SETBP1: variants seen among roughly 807,000 people sequenced by gnomAD.
The protein encoded by SETBP1 is SET binding protein 1.
Under a neutral mutation model 101.0 loss-of-function variants are expected in SETBP1, and 9 were observed. The ratio of observed to expected loss-of-function variants is 0.09; its 90% CI spans 0.05 to 0.16. The LOEUF (loss-of-function observed/expected upper bound fraction) is 0.16, where lower values mean the gene tolerates loss of function less well. Among genes scored for constraint, SETBP1 ranks in the 10% least tolerant of loss-of-function variants. SETBP1 has a pLI of 1.00. For synonymous variants in SETBP1, 818 were observed against 788.5 expected (o/e 1.04, Z -0.63); for missense variants, 1,858 against 2,033.8 (o/e 0.91, Z 1.66).
chr18:44,891,848 T>C (rs960200635), intron 3 of SETBP1, among the ~76,000 whole-genome samples: 3 of 152,120 alleles, frequency 2.0e-5, no homozygotes, highest in African/African-American at 4.8e-5. Context: ...TTCACAGAGA[T>C]TTTTGTCATA....
chr18:44,728,966 A>G (rs1218780584), intron 2 of SETBP1, among the ~76,000 whole-genome samples: 1 of 152,244 alleles, frequency 6.6e-6, no homozygotes, highest in East Asian at 1.9e-4. Flanking sequence ...ACTGTGTGCC[A>G]GATAGAGTTC....
intron 2 of SETBP1, among the ~76,000 whole-genome samples, chr18:44,746,781 C>T (rs112165417): frequency 1.3e-5 from 2 of 152,244 alleles, no homozygotes; most frequent in African/African-American, 4.8e-5. Flanking sequence ...AAAGAACAAG[C>T]GGGTGGGGTC....
At chr18:44,741,892 C>T (rs925649175) in intron 2 of SETBP1, among the ~76,000 whole-genome samples, 6 of 152,292 alleles carry the variant, frequency 3.9e-5, no homozygotes, top group Non-Finnish European at 8.8e-5. Flanking sequence ...GGTTCCAGTT[C>T]CCAGACTCAC....
At chr18:45,007,926 G>A (rs1238001628) in intron 4 of SETBP1, among the ~76,000 whole-genome samples, 1 of 152,090 alleles carries the variant, frequency 6.6e-6, no homozygotes, top group Non-Finnish European at 1.5e-5. Context: ...TTTGCCCCAA[G>A]CCTTCTGAAG....
chr18:44,908,027 C>T (rs540671584), intron 3 of SETBP1, among the ~76,000 whole-genome samples: 2 of 151,876 alleles, frequency 1.3e-5, no homozygotes, highest in Non-Finnish European at 2.9e-5. Flanking sequence ...AGCAGGGCTC[C>T]AGCTCTTCTT....
chr18:45,041,662 T>TTC (rs1370902901), intron 5 of SETBP1, among the ~76,000 whole-genome samples: 5 of 152,152 alleles, frequency 3.3e-5, no homozygotes, highest in African/African-American at 1.2e-4. Flanking sequence ...GAAATTTTAT[T>TTC]TAGAAATAAT....
intron 4 of SETBP1, among the ~76,000 whole-genome samples, chr18:45,012,501 G>T (rs929379380): frequency 6.6e-6 from 1 of 152,080 alleles, no homozygotes. Context: ...GCTCTGGATT[G>T]GTTCTTTTGC....
At chr18:44,875,574 G>A (rs933860211) in intron 3 of SETBP1, among the ~76,000 whole-genome samples, 1 of 149,582 alleles carries the variant, frequency 6.7e-6, no homozygotes, top group African/African-American at 2.5e-5. Flanking sequence ...TTGAAGCTCT[G>A]GGTTTTCCAG....
At chr18:44,773,816 C>A (rs976367864) in intron 2 of SETBP1, among the ~76,000 whole-genome samples, 1 of 136,354 alleles carries the variant, frequency 7.3e-6, no homozygotes, top group Non-Finnish European at 1.6e-5. Flanking sequence ...CTCTCTCTCT[C>A]TCTCTCTGTC....
chr18:44,792,405 C>T (rs781322018), intron 2 of SETBP1, among the ~76,000 whole-genome samples: 7 of 152,180 alleles, frequency 4.6e-5, no homozygotes, highest in South Asian at 2.1e-4. Flanking sequence ...GTAAGGTAAA[C>T]GTGTCTGTTG....
chr18:44,819,643 G>A (rs1027494777), intron 2 of SETBP1, among the ~76,000 whole-genome samples: 1 of 152,124 alleles, frequency 6.6e-6, no homozygotes, highest in African/African-American at 2.4e-5. Context: ...TCCAGGCCCT[G>A]TGACTGCATA....
chr18:45,025,569 G>A (rs1370794696), intron 4 of SETBP1, among the ~76,000 whole-genome samples: 1 of 151,974 alleles, frequency 6.6e-6, no homozygotes, highest in Non-Finnish European at 1.5e-5. Flanking sequence ...ATCTACATGT[G>A]CATGCCTGCA....
rs34390519 is a variant in SETBP1 at position 44,738,773 on chromosome 18, CA to C, written c.486+36959del. Among the ~76,000 whole-genome samples, 603 of 79,740 alleles carry C rather than the reference CA, an allele frequency of 7.6e-3. 2 individuals carry two copies. Among genetic ancestry groups the C allele is most frequent in the South Asian group, 0.041 (95 of 2,294 alleles). 52.3% of individuals were successfully genotyped at this position (79,740 alleles called of 152,430 possible). On this transcript the variant is annotated intron_variant, in intron 2 of 5. Transcript: ENST00000649279. ...TGGGTGACAGAGCGAGACTCCATCT[CA>C]AAAAAAAAAAAAAAAAAGAAAAAAG...
At chr18:44,754,046 G>A (rs1334871661) in intron 2 of SETBP1, among the ~76,000 whole-genome samples, 4 of 152,024 alleles carry the variant, frequency 2.6e-5, no homozygotes, top group Non-Finnish European at 5.9e-5. Context: ...ACCATAGATC[G>A]CCTCTGTTCA....
Position 44,875,527 on chromosome 18 carries a change from C to CAAAAA in SETBP1, c.540+6264_540+6268dup, listed in dbSNP as rs10645515. On this transcript the variant is annotated intron_variant, in intron 3 of 5. Coordinates refer to ENST00000649279, the MANE Select transcript of SETBP1 (RefSeq NM_015559.3). ...CTGGCAAGAGAGCAAGACTCCATCTCAAAAAAAAAAAAAAAAAAAAAAAAG... is the reference window on the plus strand; with the variant it reads ...CTGGCAAGAGAGCAAGACTCCATCTCAAAAAAAAAAAAAAAAAAAAAAAAAAAAAG... Among the ~76,000 whole-genome samples the CAAAAA allele has an allele frequency of 2.5e-3, 153 of 61,286 alleles. 3 individuals carry two copies. The highest frequency in any genetic ancestry group is 3.8e-3 in the African/African-American group (52 of 13,658). 40.2% of individuals were successfully genotyped at this position (61,286 alleles called of 152,430 possible). A position where few individuals can be genotyped will look rare whatever the true frequency, so the allele number is the denominator to read the frequency against.
chr18:45,045,201 A>G (rs982864885), intron 5 of SETBP1, among the ~76,000 whole-genome samples: 1 of 152,234 alleles, frequency 6.6e-6, no homozygotes, highest in Non-Finnish European at 1.5e-5. Context: ...AGGCAGGTGG[A>G]TCACGAGGTC....
chr18:45,025,313 G>A (rs183293505), intron 4 of SETBP1, among the ~76,000 whole-genome samples: 8 of 152,268 alleles, frequency 5.3e-5, no homozygotes, highest in Admixed American at 3.9e-4. Context: ...CAAGCCTCAG[G>A]ACATCTAGAA....
intron 2 of SETBP1, among the ~76,000 whole-genome samples, chr18:44,821,561 G>T (rs532492682): frequency 3.7e-4 from 57 of 152,318 alleles, no homozygotes; most frequent in African/African-American, 1.3e-3. Context: ...TTCTAACAGA[G>T]TATTAATTCC....
intron 4 of SETBP1, among the ~76,000 whole-genome samples, chr18:44,961,620 C>T (rs2071612742): frequency 1.3e-5 from 2 of 152,156 alleles, no homozygotes; most frequent in South Asian, 4.1e-4. Context: ...AAACACAATG[C>T]CAGATTCCCT....
Sources: gnomAD v4.1 joint callset for allele counts (sites outside exome capture counted in the v4.1 genomes callset) on GRCh38, gnomAD v4.1.1 for gene constraint, MANE v1.5 for transcripts, NCBI Gene and HGNC (gene_info 2026-07-23, HGNC 2026-07-21) for gene names.